Variants in ORMDL2 observed in about 807,000 individuals in gnomAD.
ORMDL2 encodes ORMDL sphingolipid biosynthesis regulator 2, also known as ORM1-like protein 2.
ORMDL2 carries 11 observed loss-of-function variants against 13.5 expected under a neutral mutation model. The ratio of observed to expected loss-of-function variants is 0.82; its 90% CI spans 0.51 to 1.35. The LOEUF is 1.35. ORMDL2 is among the 40% of genes most tolerant of loss of function. The pLI is 0.00. For missense variants in ORMDL2, 160 were observed against 191.1 expected (o/e 0.84, Z 0.96); for synonymous variants, 73 against 76.5 (o/e 0.95, Z 0.24).
intron 2 of ORMDL2, 23 bp downstream of exon 2, chr12:55,819,196 G>A (rs191424297): frequency 1.8e-5 from 29 of 1,603,946 alleles, no homozygotes. Flanking sequence ...CCACGCCCTT[G>A]TACCCACCCC....
Position 55,818,075 on chromosome 12 carries a change from C to A in ORMDL2, c.-39C>A, listed in dbSNP as rs753962969. On this transcript the variant is annotated 5_prime_UTR_variant, in exon 1 of 4. Coordinates refer to ENST00000243045, the MANE Select transcript of ORMDL2 (RefSeq NM_014182.5). ...TGGAGACTTCAGGTGTGGTAGCCGG[C>A]GCCGCGCCCATAGCCGGACGGGGAT... 3 of 520,324 alleles carry A rather than the reference C, an allele frequency of 5.8e-6. No homozygotes were observed. The highest frequency in any genetic ancestry group is 5.7e-5 in the African/African-American group (3 of 52,508). The allele number at this position is 520,324 out of a possible 1,614,324, so 32.2% of individuals were successfully genotyped here.
Position 55,819,119 on chromosome 12 carries a change from C to G in ORMDL2, c.120C>G (p.Ile40Met). ...TGCTGCATATGGTTCTACTCAGCATCCCCTTCTTCAGCATTCCTGTTGTCT... is the reference window on the plus strand; with the variant it reads ...TGCTGCATATGGTTCTACTCAGCATGCCCTTCTTCAGCATTCCTGTTGTCT... ...VGLLHMVLLS[I>M]PFFSIPVVWT... Residue 40 changes from isoleucine (I) to methionine (M), a missense_variant, in exon 2 of 4, where the codon ATC (isoleucine) becomes ATG (methionine). Coordinates refer to ENST00000243045, the MANE Select transcript of ORMDL2 (RefSeq NM_014182.5). 2 of 1,614,144 alleles carry G rather than the reference C, an allele frequency of 1.2e-6. No homozygotes were observed. The highest frequency in any genetic ancestry group is 1.7e-6 in the Non-Finnish European group (2 of 1,180,010).
Position 55,819,342 on chromosome 12 carries a change from G to C in ORMDL2, c.175G>C (p.Ala59Pro), listed in dbSNP as rs941244505. 54 of 1,612,912 alleles carry C rather than the reference G, an allele frequency of 3.3e-5. No individual in the cohort carries two copies. The highest frequency in any genetic ancestry group is 4.5e-5 in the Non-Finnish European group (53 of 1,179,402). ...ACACTGCCACCTTCCCTGTTCCCAG[G>C]CTACGTATGTCTTCCTTCATACGGT... ...WTLTNVIHNL[A>P]TYVFLHTVKG... The change falls in exon 3 of 4, where the codon GCT (alanine) becomes CCT (proline). Residue 59 changes from alanine to proline, a missense_variant and splice_region_variant. Transcript: ENST00000243045.
Position 55,820,462 on chromosome 12 carries a change from C to T in ORMDL2, c.*67C>T, listed in dbSNP as rs548581301. ...CTGAAACAGAGGACTATAAAACATC[C>T]TTCTCTTATTCTCCATACTGTCTTC... On this transcript the variant is annotated 3_prime_UTR_variant, in exon 4 of 4. Transcript: ENST00000243045. The T allele has an allele frequency of 1.4e-5, 21 of 1,529,416 alleles. No homozygotes were observed. The East Asian group carries it at 3.8e-4, about 28-fold the overall frequency. The allele number at this position is 1,529,416 out of a possible 1,614,324, so 94.7% of individuals were successfully genotyped here. A position where few individuals can be genotyped will look rare whatever the true frequency, so the allele number is the denominator to read the frequency against.
rs749783944 is a variant in ORMDL2 at position 55,820,571 on chromosome 12, A to G, written c.*176A>G. Reference sequence around the variant, plus strand: ...ATTGGCAAATGGGGCTCCTGGGCCCAGTCCTGCTAGTGGCAAGTTTCTTTG... The same window carrying G: ...ATTGGCAAATGGGGCTCCTGGGCCCGGTCCTGCTAGTGGCAAGTTTCTTTG... On this transcript the variant is annotated 3_prime_UTR_variant, in exon 4 of 4. Coordinates refer to ENST00000243045, the MANE Select transcript of ORMDL2 (RefSeq NM_014182.5). The G allele has an allele frequency of 5.3e-5, 37 of 700,344 alleles. No homozygotes were observed. Among genetic ancestry groups the G allele is most frequent in the Non-Finnish European group, 8.4e-5 (35 of 418,580 alleles). 43.4% of individuals were successfully genotyped at this position (700,344 alleles called of 1,614,324 possible).
intron 1 of ORMDL2, 157 bp downstream of exon 1, chr12:55,818,269 C>A (rs1332657779): frequency 1.1e-5 from 2 of 182,922 alleles, no homozygotes; most frequent in Non-Finnish European, 2.1e-5. Flanking sequence ...GGGCATGGGG[C>A]GGGCTTAAGG....
At chr12:55,819,690 C>G (rs1390293067) in intron 3 of ORMDL2, among the ~76,000 whole-genome samples, 197 bp downstream of exon 3, 7 of 152,188 alleles carry the variant, frequency 4.6e-5, no homozygotes, top group East Asian at 3.8e-4. Context: ...GCATTCCTTG[C>G]TGCCTCCTTG....
intron 3 of ORMDL2, 98 bp from the exon 4 acceptor site, chr12:55,820,162 C>A (rs1880627716): frequency 8.3e-7 from 1 of 1,206,154 alleles, no homozygotes; most frequent in South Asian, 1.4e-5. Context: ...CCACTGCACT[C>A]CAACCTGGGA....
chr12:55,820,489 A>C lies in ORMDL2; in HGVS notation c.*94A>C, dbSNP rs569990100. On this transcript the variant is annotated 3_prime_UTR_variant, in exon 4 of 4. Coordinates refer to ENST00000243045, the MANE Select transcript of ORMDL2 (RefSeq NM_014182.5). ...TCTCTTATTCTCCATACTGTCTTCT[A>C]CACCTTTAAAGCCTGAGAACTATAC... 7.2e-7 allele frequency: 1 copy of C among 1,392,866 alleles called. No individual in the cohort carries two copies. The allele number at this position is 1,392,866 out of a possible 1,614,324, so 86.3% of individuals were successfully genotyped here. A position where few individuals can be genotyped will look rare whatever the true frequency, so the allele number is the denominator to read the frequency against.
chr12:55,820,145 T>C (rs894446655), intron 3 of ORMDL2, 115 bp from the exon 4 acceptor site: 32 of 933,826 alleles, frequency 3.4e-5, no homozygotes, highest in East Asian at 2.4e-4. Context: ...ATCACACTTA[T>C]GAATAGCCAC....
chr12:55,818,138 T>C (rs1030358734), intron 1 of ORMDL2, 26 bp downstream of exon 1: 5 of 464,196 alleles, frequency 1.1e-5, no homozygotes, highest in Admixed American at 9.5e-5. Flanking sequence ...ACTGTAAGGG[T>C]TGCTGAGGAA....
At position 55,821,868 on chromosome 12, in the gene ORMDL2, GA is replaced by G; in HGVS notation, c.*1478del. ...AAGACTCCATCTCAAAAAATAAAAA[GA>G]AAAAGATTCAGTTCCTAGGTGTTGG... On this transcript the variant is annotated 3_prime_UTR_variant, in exon 4 of 4. Transcript: ENST00000243045. 1 of 1,240,968 alleles carries G rather than the reference GA, an allele frequency of 8.1e-7. No individual in the cohort carries two copies. The highest frequency in any genetic ancestry group is 1.8e-5 in the South Asian group (1 of 56,826). The allele number at this position is 1,240,968 out of a possible 1,614,324, so 76.9% of individuals were successfully genotyped here. A position where few individuals can be genotyped will look rare whatever the true frequency, so the allele number is the denominator to read the frequency against.
intron 1 of ORMDL2, 82 bp from the exon 2 acceptor site, chr12:55,818,917 C>A: frequency 8.0e-7 from 1 of 1,242,524 alleles, no homozygotes; most frequent in Non-Finnish European, 1.2e-6. Flanking sequence ...TTGGGGCTAT[C>A]TGAGAGACAA....
At chr12:55,818,547 G>A (rs1880576441) in intron 1 of ORMDL2, 2 of 186,504 alleles carry the variant, frequency 1.1e-5, no homozygotes, top group African/African-American at 4.7e-5. Context: ...AGAGAGGGTG[G>A]ACAAGCCCCA....
intron 1 of ORMDL2, chr12:55,818,427 G>T: frequency 4.0e-6 from 1 of 251,438 alleles, no homozygotes; most frequent in South Asian, 3.8e-5. Flanking sequence ...GAGGTATTGA[G>T]CTCAGGTCCC....
In ORMDL2 at chr12:55,821,862, TAAAA is replaced by T; in HGVS notation, c.*1469_*1472del. 8.2e-7 allele frequency: 1 copy of T among 1,212,860 alleles called. No homozygotes were observed. The highest frequency in any genetic ancestry group is 1.1e-6 in the Non-Finnish European group (1 of 878,936). 75.1% of individuals were successfully genotyped at this position (1,212,860 alleles called of 1,614,324 possible). A position where few individuals can be genotyped will look rare whatever the true frequency, so the allele number is the denominator to read the frequency against. ...CAGAGCAAGACTCCATCTCAAAAAA[TAAAA>T]AGAAAAAGATTCAGTTCCTAGGTGT... On this transcript the variant is annotated 3_prime_UTR_variant, in exon 4 of 4. Coordinates refer to ENST00000243045, the MANE Select transcript of ORMDL2 (RefSeq NM_014182.5).
Position 55,820,428 on chromosome 12 carries a change from G to A in ORMDL2, c.*33G>A. On this transcript the variant is annotated 3_prime_UTR_variant, in exon 4 of 4. Coordinates refer to ENST00000243045, the MANE Select transcript of ORMDL2 (RefSeq NM_014182.5). ...GTTTTGGGACAGCTCCATGGGCATG[G>A]GGAAGGCACTGAAACAGAGGACTAT... The A allele has an allele frequency of 6.2e-7, 1 of 1,612,150 alleles. No homozygotes were observed. Among genetic ancestry groups the A allele is most frequent in the Non-Finnish European group, 8.5e-7 (1 of 1,178,214 alleles).
chr12:55,819,310 G>C (rs909740107), intron 2 of ORMDL2, 32 bp from the exon 3 acceptor site: 2 of 1,601,558 alleles, frequency 1.2e-6, no homozygotes, highest in Non-Finnish European at 1.7e-6. Flanking sequence ...ACTACTTTCT[G>C]CCCCTCACAC....
intron 3 of ORMDL2, 34 bp from the exon 4 acceptor site, chr12:55,820,226 C>T (rs759289854): frequency 6.3e-7 from 1 of 1,588,526 alleles, no homozygotes; most frequent in Non-Finnish European, 8.6e-7. Context: ...TAGAGAAGGT[C>T]AACCTCACTC....
Sources: allele counts gnomAD v4.1 joint callset (sites outside exome capture counted in the v4.1 genomes callset), GRCh38; gene constraint gnomAD v4.1.1; transcripts MANE v1.5; gene names NCBI Gene and HGNC (gene_info 2026-07-23, HGNC 2026-07-21).